SCARB2: variants seen among roughly 807,000 people sequenced by gnomAD.
SCARB2 encodes scavenger receptor class B member 2, also known as lysosome membrane protein 2.
SCARB2 carries 29 observed loss-of-function variants against 58.6 expected under a neutral mutation model. That is an observed-to-expected ratio of 0.49 (90% CI 0.37 to 0.67). The LOEUF is 0.67. SCARB2 is among the 30% of genes least tolerant of loss of function. The pLI is 0.00. For synonymous variants in SCARB2, 195 were observed against 210.1 expected (o/e 0.93, Z 0.62); for missense variants, 488 against 578.5 (o/e 0.84, Z 1.60).
At chr4:76,210,229 A>G (rs538625369) in intron 1 of SCARB2, among the ~76,000 whole-genome samples, 1 of 152,180 alleles carries the variant, frequency 6.6e-6, no homozygotes, top group South Asian at 2.1e-4. Context: ...TATTGTTCCT[A>G]TTTTCAAAAT....
At chr4:76,232,436 A>G (rs1325328916) in intron 1 of SCARB2, among the ~76,000 whole-genome samples, 1 of 152,238 alleles carries the variant, frequency 6.6e-6, no homozygotes. Context: ...GATTAAAACA[A>G]GACAACAATT....
At chr4:76,221,966 T>C (rs778770507) in intron 1 of SCARB2, among the ~76,000 whole-genome samples, 7 of 152,188 alleles carry the variant, frequency 4.6e-5, no homozygotes, top group Admixed American at 6.5e-5. Context: ...TGTTGTGGAA[T>C]TCATCCCAAA....
At chr4:76,208,698 C>T (rs1308305601) in intron 1 of SCARB2, among the ~76,000 whole-genome samples, 4 of 152,214 alleles carry the variant, frequency 2.6e-5, no homozygotes, top group East Asian at 3.9e-4. Context: ...TGGTTCTTGC[C>T]CTTTGATTTC....
chr4:76,203,903 G>GA (rs902264642), intron 1 of SCARB2, among the ~76,000 whole-genome samples: 2 of 152,220 alleles, frequency 1.3e-5, no homozygotes, highest in African/African-American at 4.8e-5. Context: ...GCTTTCACGG[G>GA]AATCAGTAAT....
intron 1 of SCARB2, among the ~76,000 whole-genome samples, chr4:76,212,062 T>C (rs1403261251): frequency 2.0e-5 from 3 of 152,128 alleles, no homozygotes; most frequent in Non-Finnish European, 2.9e-5. Context: ...ACTCATCCTA[T>C]AGGGCTCCTT....
chr4:76,229,059 ATTGGG>A (rs1349482320), intron 1 of SCARB2, among the ~76,000 whole-genome samples: 1 of 151,978 alleles, frequency 6.6e-6, no homozygotes, highest in Non-Finnish European at 1.5e-5. Context: ...TCTTTGTCAG[ATTGGG>A]TTAATTCAAA....
intron 1 of SCARB2, among the ~76,000 whole-genome samples, chr4:76,231,600 C>T (rs1224152052): frequency 6.6e-6 from 1 of 152,264 alleles, no homozygotes; most frequent in African/African-American, 2.4e-5. Flanking sequence ...TATACTTGGC[C>T]TGATTATTTG....
intron 1 of SCARB2, among the ~76,000 whole-genome samples, chr4:76,197,046 G>A (rs1430346179): frequency 2.0e-5 from 3 of 152,190 alleles, no homozygotes; most frequent in Non-Finnish European, 2.9e-5. Flanking sequence ...GTGAAAACAC[G>A]CAGAACTGAC....
Position 76,169,476 on chromosome 4 carries a change from T to G in SCARB2, c.1113+391A>C, listed in dbSNP as rs17001555. On this transcript the variant is annotated intron_variant, in intron 8 of 11. Coordinates refer to ENST00000264896, the MANE Select transcript of SCARB2 (RefSeq NM_005506.4). ...CATATTCATATTTCAACCAAAATATTCCTGGCAGTGAGGAAGCAAAGGGAC... is the reference window on the plus strand; with the variant it reads ...CATATTCATATTTCAACCAAAATATGCCTGGCAGTGAGGAAGCAAAGGGAC... Among the ~76,000 whole-genome samples, 621 of 152,298 alleles carry G rather than the reference T, an allele frequency of 4.1e-3. 4 individuals are homozygous for G. Among genetic ancestry groups the G allele is most frequent in the African/African-American group, 0.014 (576 of 41,560 alleles).
chr4:76,177,562 A>C (rs911368595), intron 4 of SCARB2, among the ~76,000 whole-genome samples: 2 of 152,250 alleles, frequency 1.3e-5, no homozygotes, highest in East Asian at 3.8e-4. Flanking sequence ...TTCATATAAA[A>C]GCTTGTATGA....
chr4:76,182,831 G>GT (rs1362432482), intron 2 of SCARB2, among the ~76,000 whole-genome samples: 1 of 152,182 alleles, frequency 6.6e-6, no homozygotes, highest in East Asian at 1.9e-4. Context: ...TGAAAACATC[G>GT]TAAGTTGAAA....
intron 1 of SCARB2, among the ~76,000 whole-genome samples, chr4:76,201,685 T>C (rs910612467): frequency 2.6e-5 from 4 of 152,254 alleles, no homozygotes; most frequent in Admixed American, 6.5e-5. Context: ...AGGAGACATT[T>C]TGGCCTCCTT....
chr4:76,183,694 A>G (rs1732431121), intron 2 of SCARB2, among the ~76,000 whole-genome samples: 1 of 152,132 alleles, frequency 6.6e-6, no homozygotes, highest in Non-Finnish European at 1.5e-5. Context: ...TTTGTGATCA[A>G]CCCAACTTTC....
intron 8 of SCARB2, among the ~76,000 whole-genome samples, chr4:76,169,212 T>C (rs7667681): frequency 0.24 from 34,668 of 145,458 alleles, 4,912 homozygotes; most frequent in African/African-American, 0.42. Context: ...AATGTTCTTG[T>C]TTTTTTTTTT....
intron 4 of SCARB2, among the ~76,000 whole-genome samples, chr4:76,178,231 A>G (rs17001573): frequency 0.13 from 20,035 of 152,202 alleles, 1,790 homozygotes; most frequent in East Asian, 0.34. Context: ...TTATTTGGGC[A>G]TGTAGCTATG....
chr4:76,186,699 C>T (rs1014363429), intron 2 of SCARB2, among the ~76,000 whole-genome samples: 1 of 152,154 alleles, frequency 6.6e-6, no homozygotes, highest in African/African-American at 2.4e-5. Context: ...CCCATAGGCT[C>T]ACGTAGGCAA....
intron 4 of SCARB2, among the ~76,000 whole-genome samples, chr4:76,178,326 T>G (rs1279629703): frequency 1.3e-5 from 2 of 152,234 alleles, no homozygotes; most frequent in Admixed American, 1.3e-4. Context: ...GGCTCTGTTC[T>G]AAAATTTTTG....
intron 1 of SCARB2, among the ~76,000 whole-genome samples, chr4:76,223,627 T>C (rs1199201663): frequency 6.6e-6 from 1 of 152,222 alleles, no homozygotes; most frequent in African/African-American, 2.4e-5. Context: ...CAGGCCCTGG[T>C]CTGGGCCAAC....
At chr4:76,198,303 G>A (rs991297247) in intron 1 of SCARB2, among the ~76,000 whole-genome samples, 2 of 152,178 alleles carry the variant, frequency 1.3e-5, no homozygotes, top group Non-Finnish European at 2.9e-5. Context: ...TGAACAGATG[G>A]CTAACCTCCC....
Sources: allele counts gnomAD v4.1 joint callset (sites outside exome capture counted in the v4.1 genomes callset), GRCh38; gene constraint gnomAD v4.1.1; transcripts MANE v1.5; gene names NCBI Gene and HGNC (gene_info 2026-07-23, HGNC 2026-07-21).